The following ABCA1 variants were observed in gnomAD, a reference collection of about 807,000 sequenced individuals.
ABCA1 encodes phospholipid-transporting ATPase ABCA1.
A neutral mutation model predicts 262.5 loss-of-function variants in ABCA1; 133 were observed. That is an observed-to-expected ratio of 0.51 (90% confidence interval 0.44 to 0.59). The LOEUF (loss-of-function observed/expected upper bound fraction) is 0.59. ABCA1 is among the 20% of genes least tolerant of loss of function. ABCA1 has a pLI of 0.00. For missense variants in ABCA1, 2,452 were observed against 2,777.5 expected (o/e 0.88, Z 2.63); for synonymous variants, 1,022 against 1,043.5 (o/e 0.98, Z 0.40).
At position 104,788,661 on chromosome 9, in the gene ABCA1, C is replaced by T. The variant is rs548567841; in HGVS notation, c.5928-94G>A. On this transcript the variant is annotated intron_variant, in intron 44 of 49. Transcript: ENST00000374736. Reference sequence around the variant, plus strand: ...AATGTTCCTGTAAAGTATGCTTCTCCATTACAAAGATACCAATACATCTGC... The same window carrying T: ...AATGTTCCTGTAAAGTATGCTTCTCTATTACAAAGATACCAATACATCTGC... The T allele has an allele frequency of 3.0e-5, 43 of 1,443,532 alleles. No homozygotes were observed. In the Admixed American group the frequency reaches 6.4e-4, roughly 21 times the overall value. 89.4% of individuals were successfully genotyped at this position (1,443,532 alleles called of 1,614,324 possible).
chr9:104,901,530 C>A (rs1840668650), intron 2 of ABCA1, among the ~76,000 whole-genome samples: 1 of 152,132 alleles, frequency 6.6e-6, no homozygotes, highest in South Asian at 2.1e-4. Flanking sequence ...TAAGAAGGGG[C>A]AGGAGCCCTG....
chr9:104,819,768 C>T (rs756357366), intron 21 of ABCA1, 45 bp from the exon 22 acceptor site: 2 of 1,613,992 alleles, frequency 1.2e-6, no homozygotes, highest in South Asian at 1.1e-5. Context: ...CAGCCCCAGA[C>T]AGTGAGTGAA....
At chr9:104,784,672 TCTTGC>T in intron 49 of ABCA1, among the ~76,000 whole-genome samples, 1 of 152,070 alleles carries the variant, frequency 6.6e-6, no homozygotes, top group African/African-American at 2.4e-5. Context: ...TGAAATGGGG[TCTTGC>T]TCTGTCCCCA....
intron 35 of ABCA1, 119 bp from the exon 36 acceptor site, chr9:104,800,107 C>T (rs1445116787): frequency 9.3e-7 from 1 of 1,078,888 alleles, no homozygotes; most frequent in Non-Finnish European, 1.4e-6. Context: ...CATACCAAGG[C>T]AAAACACTAT....
At chr9:104,791,527 A>T (rs1045508512) in intron 43 of ABCA1, among the ~76,000 whole-genome samples, 8 of 152,172 alleles carry the variant, frequency 5.3e-5, no homozygotes, top group African/African-American at 1.9e-4. Flanking sequence ...CCTAGGTTCA[A>T]GCAATTCTCC....
At chr9:104,816,021 G>A in intron 25 of ABCA1, 122 bp downstream of exon 25, 4 of 1,080,650 alleles carry the variant, frequency 3.7e-6, no homozygotes, top group Admixed American at 3.4e-5. Context: ...TTAATCAGAT[G>A]TCGATGACCT....
chr9:104,795,902 G>T, intron 39 of ABCA1, 151 bp downstream of exon 39: 1 of 1,124,982 alleles, frequency 8.9e-7, no homozygotes, highest in Non-Finnish European at 1.3e-6. Context: ...AAGGTGCTTT[G>T]CCTTCTCAGG....
intron 2 of ABCA1, among the ~76,000 whole-genome samples, chr9:104,900,093 C>T (rs1336378322): frequency 1.3e-5 from 2 of 152,132 alleles, no homozygotes; most frequent in African/African-American, 4.8e-5. Flanking sequence ...GGCAGGGGAC[C>T]CAGGAGTTAC....
chr9:104,804,839 C>A, intron 31 of ABCA1, 119 bp from the exon 32 acceptor site: 1 of 841,702 alleles, frequency 1.2e-6, no homozygotes, highest in Non-Finnish European at 2.0e-6. Context: ...CTACAGGTCC[C>A]AGACACTGCC....
intron 1 of ABCA1, among the ~76,000 whole-genome samples, chr9:104,919,963 AT>A (rs1842053154): frequency 6.6e-6 from 1 of 152,212 alleles, no homozygotes; most frequent in Admixed American, 6.5e-5. Context: ...TCCACATGGT[AT>A]GTTACACTAA....
rs757642177 is a variant in ABCA1, at chr9:104,831,652, T to C, written c.1685A>G (p.Asn562Ser). The change falls in exon 13 of 50, where the codon AAT becomes AGT. Residue 562 changes from asparagine to serine, a missense_variant. Asn to Ser is a conservative substitution (Grantham distance 46). This residue lies in a region of ABCA1 where 1,032 missense variants were observed against 1,089.7 expected (regional missense o/e 0.95). Transcript: ENST00000374736. ...VKYKIRMDID[N>S]VERTNKIKDG... is the part of the protein sequence containing the mutation. ...CTTGATTTTATTTGTCCTCTCCACA[T>C]TGTCAATGTCCATTCGGATCTTGTA... The C allele has an allele frequency of 3.7e-6, 6 of 1,614,054 alleles. No individual in the cohort carries two copies. In the African/African-American group the frequency reaches 8.0e-5, roughly 22 times the overall value.
intron 1 of ABCA1, among the ~76,000 whole-genome samples, chr9:104,906,784 G>A (rs1050285793): frequency 2.7e-5 from 4 of 149,288 alleles, no homozygotes; most frequent in Non-Finnish European, 5.9e-5. Context: ...AAAAGAGACA[G>A]TACTATGTAC....
At chr9:104,912,555 C>T (rs781159353) in intron 1 of ABCA1, among the ~76,000 whole-genome samples, 2 of 152,148 alleles carry the variant, frequency 1.3e-5, no homozygotes, top group African/African-American at 2.4e-5. Context: ...CTCACAAGAG[C>T]CAGGATTTCT....
At chr9:104,848,999 G>A (rs73521821) in intron 7 of ABCA1, among the ~76,000 whole-genome samples, 18,834 of 152,070 alleles carry the variant, frequency 0.12, 3,720 homozygotes, top group African/African-American at 0.42. Context: ...CACCATTACC[G>A]GTCATCTGTC....
At chr9:104,923,152 G>C (rs1289599398) in intron 1 of ABCA1, among the ~76,000 whole-genome samples, 1 of 152,138 alleles carries the variant, frequency 6.6e-6, no homozygotes. Context: ...CTTCATCAAG[G>C]ACAGGACAAG....
At chr9:104,791,552 G>A (rs968768045) in intron 43 of ABCA1, among the ~76,000 whole-genome samples, 1 of 152,166 alleles carries the variant, frequency 6.6e-6, no homozygotes, top group African/African-American at 2.4e-5. Flanking sequence ...TCAGCCTCCC[G>A]AGTAGCTGGG....
chr9:104,829,997 C>A (rs1054119201), intron 14 of ABCA1, among the ~76,000 whole-genome samples: 6 of 151,244 alleles, frequency 4.0e-5, no homozygotes, highest in Non-Finnish European at 7.4e-5. Flanking sequence ...ACCACCACCA[C>A]CAACCACAGA....
At chr9:104,878,227 C>A (rs1363190497) in intron 5 of ABCA1, among the ~76,000 whole-genome samples, 1 of 152,218 alleles carries the variant, frequency 6.6e-6, no homozygotes, top group African/African-American at 2.4e-5. Context: ...GCCTTGCAAA[C>A]ATTAATTAAT....
chr9:104,882,014 C>T (rs1023574584), intron 5 of ABCA1, among the ~76,000 whole-genome samples: 1 of 86,692 alleles, frequency 1.2e-5, no homozygotes. Context: ...AAGGAAAGCA[C>T]AGTTCTGTAG....
Sources: gnomAD v4.1 joint callset for allele counts (sites outside exome capture counted in the v4.1 genomes callset) on GRCh38, gnomAD v4.1.1 for gene constraint, gnomAD v4.1.1 regional missense constraint, MANE v1.5 for transcripts, NCBI Gene and HGNC (gene_info 2026-07-23, HGNC 2026-07-21) for gene names.